SAXO2: variants seen among roughly 807,000 people sequenced by gnomAD.
SAXO2 encodes the protein stabilizer of axonemal microtubules 2.
SAXO2 carries 17 observed loss-of-function variants against 18.7 expected under a neutral mutation model. The observed-to-expected ratio is 0.91, with a 90% CI of 0.62 to 1.36. The LOEUF is 1.36. SAXO2 is among the 40% of genes most tolerant of loss of function. The pLI, the probability that SAXO2 is intolerant of heterozygous loss-of-function variation, is 0.00. For synonymous variants in SAXO2, 163 were observed against 181.2 expected (o/e 0.90, Z 0.81); for missense variants, 486 against 562.6 (o/e 0.86, Z 1.38).
chr15:82,280,986 A>G (rs2075357878), intron 3 of SAXO2, among the ~76,000 whole-genome samples: 1 of 152,186 alleles, frequency 6.6e-6, no homozygotes, highest in Non-Finnish European at 1.5e-5. Flanking sequence ...ATGGATACGC[A>G]TTTTTTCTCT....
chr15:82,281,421 C>T (rs2141380942), intron 3 of SAXO2, among the ~76,000 whole-genome samples: 1 of 152,114 alleles, frequency 6.6e-6, no homozygotes, highest in Non-Finnish European at 1.5e-5. Context: ...TCTACAATTT[C>T]AAACACCTCT....
intron 3 of SAXO2, among the ~76,000 whole-genome samples, chr15:82,280,239 A>G (rs1160721729): frequency 6.6e-6 from 1 of 152,060 alleles, no homozygotes; most frequent in East Asian, 1.9e-4. Context: ...TATCACATCC[A>G]TCTCTCAGTG....
chr15:82,272,195 A>G, intron 3 of SAXO2: 1 of 186,284 alleles, frequency 5.4e-6, no homozygotes. Flanking sequence ...GAGGTCAAAT[A>G]AATAGCAATG....
intron 2 of SAXO2, among the ~76,000 whole-genome samples, chr15:82,267,576 A>T (rs2075231488): frequency 6.6e-6 from 1 of 152,200 alleles, no homozygotes; most frequent in African/African-American, 2.4e-5. Context: ...TTAGGGTTTT[A>T]AAAATGCTCT....
chr15:82,271,947 A>G (rs1391982765), intron 3 of SAXO2, 145 bp downstream of exon 3: 2 of 652,196 alleles, frequency 3.1e-6, no homozygotes, highest in East Asian at 2.8e-5. Context: ...TTGGCAAAAT[A>G]GTATTGTATA....
intron 3 of SAXO2, among the ~76,000 whole-genome samples, chr15:82,281,164 A>G (rs1043579156): frequency 1.7e-4 from 26 of 152,206 alleles, no homozygotes; most frequent in Non-Finnish European, 3.1e-4. Flanking sequence ...AGTCAATTCT[A>G]TGGTATTTCC....
intron 3 of SAXO2, among the ~76,000 whole-genome samples, chr15:82,280,695 C>T (rs2075355598): frequency 6.6e-6 from 1 of 152,180 alleles, no homozygotes. Context: ...GTTATCATTT[C>T]TGTTTCTTTA....
rs147543747 is a variant in SAXO2, at chr15:82,282,807, T to C, written c.1122T>C (p.Asp374=). 1.0e-4 allele frequency: 169 copies of C among 1,614,038 alleles called. No individual in the cohort carries two copies. In the African/African-American group the frequency reaches 1.9e-3, roughly 18 times the overall value. The part of the protein sequence containing the change: ...QQIPNPSGKF[D]GLSTFRSHYV... ...TTCCCAACCCATCTGGAAAATTTGA[T>C]GGTTTGAGCACTTTCAGATCTCACT... is the stretch of plus-strand genomic sequence containing the variant. Residue 374 remains aspartate (D), a synonymous_variant, in exon 4 of 4, where the codon GAT becomes GAC. Coordinates refer to ENST00000682753, the MANE Select transcript of SAXO2 (RefSeq NM_001348699.2).
rs1438751216 is a variant in SAXO2 at position 82,262,847 on chromosome 15, AG to A, written c.-32del. ...ACGGCGGGCGCTGTGGGAGTGGAGAAGCTGCAAGTGCTGAGGCGCGGTGGAG... is the reference window on the plus strand; with the variant it reads ...ACGGCGGGCGCTGTGGGAGTGGAGAACTGCAAGTGCTGAGGCGCGGTGGAG... On this transcript the variant is annotated 5_prime_UTR_variant, in exon 1 of 4. Transcript: ENST00000682753. 6.4e-7 allele frequency: 1 copy of A among 1,563,478 alleles called. No individual in the cohort carries two copies. The highest frequency in any genetic ancestry group is 8.7e-7 in the Non-Finnish European group (1 of 1,154,478).
At chr15:82,276,579 C>T (rs2075317459) in intron 3 of SAXO2, among the ~76,000 whole-genome samples, 1 of 152,056 alleles carries the variant, frequency 6.6e-6, no homozygotes. Flanking sequence ...TGATTGTCCA[C>T]AAAATTGGCA....
intron 3 of SAXO2, among the ~76,000 whole-genome samples, chr15:82,276,247 G>A (rs1174766009): frequency 1.3e-5 from 2 of 152,058 alleles, no homozygotes; most frequent in African/African-American, 4.8e-5. Context: ...AAATGAAAAA[G>A]CATTCTATGA....
At chr15:82,271,002 G>A (rs2075266081) in intron 2 of SAXO2, among the ~76,000 whole-genome samples, 1 of 152,134 alleles carries the variant, frequency 6.6e-6, no homozygotes, top group Non-Finnish European at 1.5e-5. Flanking sequence ...ACCCAGGTTG[G>A]CTGCGTTACC....
At chr15:82,281,474 A>C (rs1596039932) in intron 3 of SAXO2, among the ~76,000 whole-genome samples, 2 of 151,828 alleles carry the variant, frequency 1.3e-5, no homozygotes, top group Non-Finnish European at 2.9e-5. Flanking sequence ...ATGGCCCTCT[A>C]TCTTTTGGGA....
chr15:82,284,150 T>A lies in SAXO2; in HGVS notation c.*1088T>A, dbSNP rs536125956. On this transcript the variant is annotated 3_prime_UTR_variant, in exon 4 of 4. Transcript: ENST00000682753. ...AGTACAAATGTGGAGGATTTTTTTT[T>A]AAAATTGCTCAATCTCTTTTTGTAC... The A allele has an allele frequency of 5.3e-5, 8 of 152,226 alleles. No homozygotes were observed. Among genetic ancestry groups the A allele is most frequent in the South Asian group, 2.1e-4 (1 of 4,828 alleles). The allele number at this position is 152,226 out of a possible 1,614,324, so 9.4% of individuals were successfully genotyped here. A position where few individuals can be genotyped will look rare whatever the true frequency, so the allele number is the denominator to read the frequency against.
Position 82,282,911 on chromosome 15 carries a change from A to C in SAXO2, c.1226A>C (p.Asp409Ala), listed in dbSNP as rs1427636977. The C allele has an allele frequency of 1.9e-6, 3 of 1,614,102 alleles. No homozygotes were observed. The highest frequency in any genetic ancestry group is 2.5e-6 in the Non-Finnish European group (3 of 1,180,002). The change falls in exon 4 of 4, where the codon GAT (aspartate) becomes GCT (alanine). Residue 409 changes from aspartate (D) to alanine (A), a missense_variant. Coordinates refer to ENST00000682753, the MANE Select transcript of SAXO2 (RefSeq NM_001348699.2). ...TTTAAGAGTTCTGTTCCATTTGATGATGTAACCATGTACTCTGTAGAGTAC... is the reference window on the plus strand; with the variant it reads ...TTTAAGAGTTCTGTTCCATTTGATGCTGTAACCATGTACTCTGTAGAGTAC... The part of the protein sequence containing the change: ...IAFKSSVPFD[D>A]VTMYSVEYTP...
chr15:82,263,086 G>T, intron 1 of SAXO2, 154 bp downstream of exon 1: 17 of 1,507,404 alleles, frequency 1.1e-5, no homozygotes, highest in Non-Finnish European at 1.4e-5. Context: ...CCCGCTCCGC[G>T]AATACTCGCT....
intron 2 of SAXO2, among the ~76,000 whole-genome samples, chr15:82,269,265 G>C (rs1033969749): frequency 1.3e-5 from 2 of 152,166 alleles, no homozygotes; most frequent in African/African-American, 4.8e-5. Flanking sequence ...CAGGTACCTT[G>C]ACAACCAGAC....
At chr15:82,276,666 G>A (rs74028518) in intron 3 of SAXO2, among the ~76,000 whole-genome samples, 297 of 152,170 alleles carry the variant, frequency 2.0e-3, no homozygotes, top group African/African-American at 6.9e-3. Context: ...TATGCAGAAG[G>A]ATGAAACCAT....
At chr15:82,264,442 C>A (rs1234573587) in intron 1 of SAXO2, among the ~76,000 whole-genome samples, 1 of 151,318 alleles carries the variant, frequency 6.6e-6, no homozygotes, top group Non-Finnish European at 1.5e-5. Context: ...TTACTATTTA[C>A]AATCTCACCA....
Sources: gnomAD v4.1 joint callset for allele counts (sites outside exome capture counted in the v4.1 genomes callset) on GRCh38, gnomAD v4.1.1 for gene constraint, MANE v1.5 for transcripts, NCBI Gene and HGNC (gene_info 2026-07-23, HGNC 2026-07-21) for gene names.